STK4: variants seen among roughly 807,000 people sequenced by gnomAD.
STK4 encodes serine/threonine-protein kinase 4.
Under a neutral mutation model 64.9 loss-of-function variants are expected in STK4, and 30 were observed. That is an observed-to-expected ratio of 0.46 (90% CI 0.35 to 0.63). The LOEUF is 0.63. Ranked by LOEUF, STK4 falls within the 20% of genes least tolerant of loss-of-function variation. STK4 has a pLI of 0.01. For synonymous variants in STK4, 177 were observed against 199.0 expected, an observed-to-expected ratio of 0.89 and a Z score of 0.93; for missense variants, 466 against 598.5, an observed-to-expected ratio of 0.78 and a Z score of 2.31.
chr20:45,053,192 T>A (rs532761342), intron 10 of STK4: 1 of 1,605,610 alleles, frequency 6.2e-7, no homozygotes, highest in Non-Finnish European at 8.5e-7. Context: ...TAAATGAATG[T>A]CATCTTTGTC....
intron 5 of STK4, among the ~76,000 whole-genome samples, chr20:44,992,058 T>G (rs545083854): frequency 1.6e-4 from 24 of 152,218 alleles, no homozygotes; most frequent in African/African-American, 4.8e-4. Context: ...TGCTGAAATA[T>G]CTTCTAGTTT....
At chr20:45,047,355 G>A (rs1038811718) in intron 10 of STK4, among the ~76,000 whole-genome samples, 4 of 152,166 alleles carry the variant, frequency 2.6e-5, no homozygotes, top group Admixed American at 6.5e-5. Flanking sequence ...TCAGAATAAC[G>A]CACGTTTGTT....
rs374600465 is a variant in STK4 at position 45,033,881 on chromosome 20, A to G, written c.1305+8751A>G. The stretch of plus-strand genomic sequence containing the variant: ...AGGTGTGAGCCACCATGCCCAGCCA[A>G]TGTTTGAAAGGGTTAAAAAAGAAAT... On this transcript the variant is annotated intron_variant, in intron 10 of 10. Coordinates refer to ENST00000372806, the MANE Select transcript of STK4 (RefSeq NM_006282.5). Among the ~76,000 whole-genome samples, 11 of 152,284 alleles carry G rather than the reference A, an allele frequency of 7.2e-5. 1 individual carries two copies. Among genetic ancestry groups the G allele is most frequent in the Non-Finnish European group, 5.9e-5 (4 of 68,012 alleles).
intron 4 of STK4, among the ~76,000 whole-genome samples, chr20:44,984,436 T>G (rs974968690): frequency 2.0e-5 from 3 of 152,112 alleles, no homozygotes; most frequent in African/African-American, 7.2e-5. Flanking sequence ...TTTCCTGACC[T>G]CGCAATCTGC....
chr20:45,027,034 A>G (rs1302593263), intron 10 of STK4, among the ~76,000 whole-genome samples: 2 of 152,238 alleles, frequency 1.3e-5, no homozygotes, highest in Non-Finnish European at 1.5e-5. Context: ...ATGTTTAACT[A>G]CTGGGTACCA....
chr20:45,067,238 A>G (rs1435462230), intron 10 of STK4, among the ~76,000 whole-genome samples: 1 of 152,046 alleles, frequency 6.6e-6, no homozygotes, highest in African/African-American at 2.4e-5. Flanking sequence ...CTAAATTCCA[A>G]AGGTGTGTTC....
intron 10 of STK4, among the ~76,000 whole-genome samples, chr20:45,052,102 C>G (rs2068785328): frequency 6.6e-6 from 1 of 152,194 alleles, no homozygotes. Context: ...TACTGCTGGC[C>G]TGCAATAAGC....
At chr20:45,019,074 G>T (rs80070443) in intron 9 of STK4, among the ~76,000 whole-genome samples, 4,323 of 152,124 alleles carry the variant, frequency 0.028, 192 homozygotes, top group African/African-American at 0.094. Context: ...CATAAAATTT[G>T]CCATTTTAAA....
intron 1 of STK4, among the ~76,000 whole-genome samples, chr20:44,967,484 T>C (rs1041722325): frequency 6.6e-6 from 1 of 152,218 alleles, no homozygotes; most frequent in Non-Finnish European, 1.5e-5. Context: ...CTAGAAAATC[T>C]CAACTCCTGG....
intron 2 of STK4, chr20:44,974,760 C>A (rs555441499): frequency 6.6e-6 from 1 of 152,194 alleles, no homozygotes; most frequent in Admixed American, 6.5e-5. Flanking sequence ...TGAGCCACCA[C>A]GCCTGGCCAA....
rs556393633 is a variant in STK4 at position 45,069,958 on chromosome 20, A to AGATAAGATGGTCAGAAAAGGCTTGCCT, written c.1306-5058_1306-5032dup. On this transcript the variant is annotated intron_variant, in intron 10 of 10. Coordinates refer to ENST00000372806, the MANE Select transcript of STK4 (RefSeq NM_006282.5). ...ATAATGGAGAGGAGGCAGTCTTTCT[A>AGATAAGATGGTCAGAAAAGGCTTGCCT]GATAAGATGGTCAGAAAAGGCTTGC... Among the ~76,000 whole-genome samples the AGATAAGATGGTCAGAAAAGGCTTGCCT allele has an allele frequency of 1.9e-3, 295 of 152,330 alleles. 3 individuals carry two copies. The highest frequency in any genetic ancestry group is 6.6e-3 in the African/African-American group (275 of 41,568).
chr20:45,031,249 G>A (rs377731689), intron 10 of STK4, among the ~76,000 whole-genome samples: 31 of 151,970 alleles, frequency 2.0e-4, no homozygotes, highest in African/African-American at 7.0e-4. Context: ...ATTCAGCTGA[G>A]ACATCAGTGA....
At chr20:45,067,145 A>T (rs1210523937) in intron 10 of STK4, among the ~76,000 whole-genome samples, 3 of 152,004 alleles carry the variant, frequency 2.0e-5, no homozygotes, top group African/African-American at 7.3e-5. Context: ...CGGACTTTCT[A>T]GTGGCCAGTG....
At chr20:44,977,263 T>G (rs2067355731) in intron 2 of STK4, among the ~76,000 whole-genome samples, 1 of 152,236 alleles carries the variant, frequency 6.6e-6, no homozygotes, top group Admixed American at 6.5e-5. Context: ...GGAAATATTT[T>G]TATGTGCTCT....
chr20:45,007,972 G>A (rs2067978922), intron 9 of STK4, among the ~76,000 whole-genome samples: 1 of 152,114 alleles, frequency 6.6e-6, no homozygotes, highest in Non-Finnish European at 1.5e-5. Flanking sequence ...CCCACTAAGT[G>A]AACACATGCG....
At chr20:44,981,680 G>C (rs569030097) in intron 3 of STK4, 149 bp from the exon 4 acceptor site, 1 of 509,742 alleles carries the variant, frequency 2.0e-6, no homozygotes, top group South Asian at 3.5e-5. Flanking sequence ...ATACCATTTT[G>C]CATTCTTATC....
chr20:45,073,033 G>T (rs1418979859), intron 10 of STK4, among the ~76,000 whole-genome samples: 2 of 152,158 alleles, frequency 1.3e-5, no homozygotes, highest in Non-Finnish European at 1.5e-5. Context: ...GGCTCAAGAG[G>T]TGAAATTACT....
chr20:45,037,161 G>A (rs1403670821), intron 10 of STK4, among the ~76,000 whole-genome samples: 1 of 152,076 alleles, frequency 6.6e-6, no homozygotes, highest in African/African-American at 2.4e-5. Flanking sequence ...AAAAGAGAGA[G>A]CAAGAACCCC....
Position 44,997,161 on chromosome 20 carries a change from C to G in STK4, c.694-8C>G. 1 of 1,613,408 alleles carries G rather than the reference C, an allele frequency of 6.2e-7. No homozygotes were observed. Among genetic ancestry groups the G allele is most frequent in the Non-Finnish European group, 8.5e-7 (1 of 1,179,562 alleles). ...AGATCTTTTTGTTTGTTTGTTTGTT[C>G]TAACCAGGCAATCTTCATGATTCCT... On this transcript the variant is annotated splice_polypyrimidine_tract_variant and splice_region_variant and intron_variant, in intron 6 of 10. Coordinates refer to ENST00000372806, the MANE Select transcript of STK4 (RefSeq NM_006282.5).
Sources: gnomAD v4.1 joint callset for allele counts (sites outside exome capture counted in the v4.1 genomes callset) on GRCh38, gnomAD v4.1.1 for gene constraint, MANE v1.5 for transcripts, NCBI Gene and HGNC (gene_info 2026-07-23, HGNC 2026-07-21) for gene names.